Variants in CDC42SE2 observed in about 807,000 individuals in gnomAD.
CDC42SE2 encodes the protein CDC42 small effector protein 2.
CDC42SE2 carries 3 observed loss-of-function variants against 11.5 expected under a neutral mutation model. The observed-to-expected ratio is 0.26, with a 90% CI of 0.12 to 0.67. CDC42SE2 has a LOEUF of 0.67. CDC42SE2 is among the 30% of genes least tolerant of loss of function. The probability of loss-of-function intolerance (pLI) is 0.80; values close to 1 mark genes in which losing one functional copy is unlikely to be tolerated. For synonymous variants in CDC42SE2, 33 were observed against 34.8 expected (o/e 0.95, Z 0.18); for missense variants, 82 against 106.8 (o/e 0.77, Z 1.02).
the CDC42SE2 span, among the ~76,000 whole-genome samples, chr5:131,235,192 G>A: frequency 2.0e-5 from 3 of 151,678 alleles, no homozygotes; most frequent in Non-Finnish European, 2.9e-5. Flanking sequence ...CCTGGCCAGT[G>A]AGGGCAAATA....
At chr5:131,358,883 T>C (rs915469172) in intron 2 of CDC42SE2, among the ~76,000 whole-genome samples, 2 of 152,226 alleles carry the variant, frequency 1.3e-5, no homozygotes, top group Admixed American at 6.5e-5. Context: ...TTATTTCTTC[T>C]TGGAATTAGA....
At chr5:131,334,433 G>A (rs545275098) in intron 2 of CDC42SE2, among the ~76,000 whole-genome samples, 3 of 152,130 alleles carry the variant, frequency 2.0e-5, no homozygotes, top group African/African-American at 7.2e-5. Flanking sequence ...CTCTTTTTTG[G>A]TTGTGTCTCT....
intron 2 of CDC42SE2, among the ~76,000 whole-genome samples, chr5:131,323,533 CCT>C (rs749615609): frequency 2.9e-5 from 4 of 139,292 alleles, no homozygotes; most frequent in African/African-American, 1.1e-4. Context: ...AGGGATTGTA[CCT>C]CTCTCTCTCT....
intron 1 of CDC42SE2, among the ~76,000 whole-genome samples, chr5:131,311,427 T>A (rs1561580440): frequency 6.6e-6 from 1 of 151,622 alleles, no homozygotes; most frequent in African/African-American, 2.4e-5. Context: ...TGTCTTGGAG[T>A]TGCTCTTCTC....
chr5:131,253,696 C>A (rs541474228), intron 1 of CDC42SE2, among the ~76,000 whole-genome samples: 2 of 152,024 alleles, frequency 1.3e-5, no homozygotes, highest in Admixed American at 6.6e-5. Context: ...ACCCAGGAGG[C>A]GGAGGTTGTA....
chr5:131,376,626 G>A (rs909272564), intron 3 of CDC42SE2, among the ~76,000 whole-genome samples: 5 of 152,082 alleles, frequency 3.3e-5, no homozygotes, highest in African/African-American at 1.2e-4. Context: ...CCATTAGGTC[G>A]TTTTTTGATC....
chr5:131,320,054 GAAAAAAAA>G (rs763857152), intron 2 of CDC42SE2, among the ~76,000 whole-genome samples: 1,102 of 62,806 alleles, frequency 0.018, 17 homozygotes, highest in African/African-American at 0.053. Flanking sequence ...CCGTCTTAAA[GAAAAAAAA>G]AAAAAAAAAA....
intron 2 of CDC42SE2, among the ~76,000 whole-genome samples, chr5:131,333,518 A>C (rs967665080): frequency 2.6e-5 from 4 of 152,074 alleles, no homozygotes; most frequent in Non-Finnish European, 5.9e-5. Context: ...GCATTGGTAG[A>C]TTGATGGGGA....
chr5:131,249,865 AGAGT>A (rs1018197066), intron 1 of CDC42SE2, among the ~76,000 whole-genome samples: 2 of 152,164 alleles, frequency 1.3e-5, no homozygotes, highest in African/African-American at 4.8e-5. Context: ...TCTGGACAAC[AGAGT>A]GAGATGCTGT....
Position 131,290,875 on chromosome 5 carries a change from A to G in CDC42SE2, c.-454-25101A>G, listed in dbSNP as rs1757443769. On this transcript the variant is annotated intron_variant, in intron 1 of 4. Coordinates refer to ENST00000505065, the MANE Select transcript of CDC42SE2 (RefSeq NM_001375635.1). ...GAACCTCATGGAAGTGATTGCCAAAATATAAAAATTAGAAAAAAAGAAAAC... is the reference window on the plus strand; with the variant it reads ...GAACCTCATGGAAGTGATTGCCAAAGTATAAAAATTAGAAAAAAAGAAAAC... 2.0e-5 allele frequency among the ~76,000 whole-genome samples: 3 copies of G among 152,274 alleles called. No individual in the cohort carries two copies. In the South Asian group the frequency reaches 6.2e-4, roughly 32 times the overall value.
chr5:131,297,751 TTAAAAATTA>T lies in CDC42SE2; in HGVS notation c.-454-18210_-454-18202del, dbSNP rs1474504876. ...AAATAAATAAATAAGTAAATAAAAA[TTAAAAATTA>T]TAAAAATTATAAAAGTTACCACATC... On this transcript the variant is annotated intron_variant, in intron 1 of 4. Transcript: ENST00000505065. 4.0e-5 allele frequency among the ~76,000 whole-genome samples: 6 copies of T among 151,554 alleles called. No individual in the cohort carries two copies. In the South Asian group the frequency reaches 6.2e-4, roughly 16 times the overall value.
At chr5:131,362,297 TCTTAC>T (rs1413884481) in intron 3 of CDC42SE2, among the ~76,000 whole-genome samples, 1 of 152,214 alleles carries the variant, frequency 6.6e-6, no homozygotes, top group Non-Finnish European at 1.5e-5. Context: ...ACATCTGATT[TCTTAC>T]CTTTTTGATT....
intron 1 of CDC42SE2, among the ~76,000 whole-genome samples, chr5:131,292,915 A>AC (rs1757490410): frequency 6.8e-6 from 1 of 147,288 alleles, no homozygotes; most frequent in African/African-American, 2.5e-5. Context: ...TCAAAAAAAA[A>AC]AAAAAAAAAA....
chr5:131,292,191 A>C (rs13185787), intron 1 of CDC42SE2, among the ~76,000 whole-genome samples: 1 of 136,388 alleles, frequency 7.3e-6, no homozygotes, highest in Non-Finnish European at 1.5e-5. Context: ...GTGATCCGAG[A>C]TTGTACCACT....
At chr5:131,216,518 A>AAAAAAAAAC in the CDC42SE2 span, among the ~76,000 whole-genome samples, 9 of 146,006 alleles carry the variant, frequency 6.2e-5, no homozygotes, top group African/African-American at 1.1e-4. Context: ...AAAAAAAAAA[A>AAAAAAAAAC]AAAACATTAT....
the CDC42SE2 span, among the ~76,000 whole-genome samples, chr5:131,240,068 A>G: frequency 6.6e-6 from 1 of 152,202 alleles, no homozygotes; most frequent in Non-Finnish European, 1.5e-5. Flanking sequence ...GTATCAGTTC[A>G]TACACTTTCC....
At chr5:131,243,962 CT>C (rs1756559737), upstream of CDC42SE2, among the ~76,000 whole-genome samples, 2 of 152,288 alleles carry the variant, frequency 1.3e-5, no homozygotes, top group Admixed American at 1.3e-4. Context: ...TAAACTCTCA[CT>C]TTTTTCAGTG....
chr5:131,270,460 T>C (rs1756970484), intron 1 of CDC42SE2, among the ~76,000 whole-genome samples: 1 of 152,246 alleles, frequency 6.6e-6, no homozygotes, highest in Non-Finnish European at 1.5e-5. Flanking sequence ...TTTTGTTTAG[T>C]AAAGCAAAAA....
chr5:131,292,915 A>AAC (rs1561574573), intron 1 of CDC42SE2, among the ~76,000 whole-genome samples: 12 of 147,288 alleles, frequency 8.1e-5, no homozygotes, highest in African/African-American at 3.0e-4. Flanking sequence ...TCAAAAAAAA[A>AAC]AAAAAAAAAA....
Sources: gnomAD v4.1 joint callset for allele counts (sites outside exome capture counted in the v4.1 genomes callset) on GRCh38, gnomAD v4.1.1 for gene constraint, MANE v1.5 for transcripts, NCBI Gene and HGNC (gene_info 2026-07-23, HGNC 2026-07-21) for gene names.